Variants in CNTN5 observed in about 807,000 individuals in gnomAD.
CNTN5 encodes the protein contactin 5, also known as contactin-5.
CNTN5 carries 77 observed loss-of-function variants against 129.1 expected under a neutral mutation model. The observed-to-expected ratio is 0.60, with a 90% CI of 0.50 to 0.72. The LOEUF is 0.72. Ranked by LOEUF, CNTN5 falls within the 30% of genes least tolerant of loss-of-function variation. The pLI, the probability that CNTN5 is intolerant of heterozygous loss-of-function variation, is 0.00. For missense variants in CNTN5, 1,478 were observed against 1,328.8 expected (o/e 1.11, Z -1.75); for synonymous variants, 509 against 465.6 (o/e 1.09, Z -1.20).
intron 6 of CNTN5, among the ~76,000 whole-genome samples, chr11:99,886,450 A>G (rs1380575142): frequency 6.6e-6 from 1 of 152,174 alleles, no homozygotes; most frequent in Non-Finnish European, 1.5e-5. Flanking sequence ...AACCTAATAA[A>G]TAGAAAGATT....
intron 1 of CNTN5, among the ~76,000 whole-genome samples, chr11:99,299,509 CA>C (rs1864531044): frequency 6.6e-6 from 1 of 151,836 alleles, no homozygotes; most frequent in Non-Finnish European, 1.5e-5. Flanking sequence ...GTCTAAGAAA[CA>C]AACCAAAAAA....
At chr11:99,766,267 G>A (rs946870346) in intron 3 of CNTN5, among the ~76,000 whole-genome samples, 1 of 151,926 alleles carries the variant, frequency 6.6e-6, no homozygotes, top group Admixed American at 6.6e-5. Flanking sequence ...AATAAAACAG[G>A]CCTTCACTGT....
chr11:99,870,627 T>C (rs980343366), intron 6 of CNTN5, among the ~76,000 whole-genome samples: 2 of 152,132 alleles, frequency 1.3e-5, no homozygotes, highest in African/African-American at 4.8e-5. Flanking sequence ...GACATAGACC[T>C]CTGGGTCAGA....
At chr11:100,156,178 C>CAATGCCTAGTTTATTTAGAGTTTT (rs1178395628) in intron 13 of CNTN5, among the ~76,000 whole-genome samples, 6 of 152,170 alleles carry the variant, frequency 3.9e-5, no homozygotes, top group Non-Finnish European at 7.4e-5. Context: ...TATGTTCCAT[C>CAATGCCTAGTTTATTTAGAGTTTT]AATGCCTAGT....
intron 3 of CNTN5, among the ~76,000 whole-genome samples, chr11:99,599,623 C>A (rs935405069): frequency 1.3e-5 from 2 of 152,070 alleles, no homozygotes; most frequent in East Asian, 3.9e-4. Context: ...ACATATTAAT[C>A]TCCCTTCCTC....
chr11:99,736,180 C>T (rs1432159275), intron 3 of CNTN5, among the ~76,000 whole-genome samples: 3 of 152,222 alleles, frequency 2.0e-5, no homozygotes, highest in Non-Finnish European at 4.4e-5. Flanking sequence ...CTATTACTTG[C>T]AGCTTTCAAC....
At chr11:100,215,447 C>T (rs1368647693) in intron 15 of CNTN5, among the ~76,000 whole-genome samples, 2 of 152,118 alleles carry the variant, frequency 1.3e-5, no homozygotes, top group African/African-American at 4.8e-5. Flanking sequence ...CTAGGCCGAA[C>T]AGATTCTTTG....
chr11:99,434,051 G>A (rs1321001880), intron 2 of CNTN5, among the ~76,000 whole-genome samples: 3 of 152,046 alleles, frequency 2.0e-5, no homozygotes, highest in Non-Finnish European at 4.4e-5. Context: ...TGTGCTCAGT[G>A]CCATACCTAC....
chr11:99,435,750 T>A (rs1318093454), intron 2 of CNTN5, among the ~76,000 whole-genome samples: 1 of 152,222 alleles, frequency 6.6e-6, no homozygotes, highest in Non-Finnish European at 1.5e-5. Flanking sequence ...CACTATTTCT[T>A]GCATAGTGAC....
At chr11:99,654,211 A>G (rs1952263984) in intron 3 of CNTN5, among the ~76,000 whole-genome samples, 1 of 152,046 alleles carries the variant, frequency 6.6e-6, no homozygotes, top group South Asian at 2.1e-4. Context: ...TCAAATTAAA[A>G]TAGCAGATGT....
At chr11:99,402,683 A>G (rs1189832560) in intron 2 of CNTN5, among the ~76,000 whole-genome samples, 1 of 152,170 alleles carries the variant, frequency 6.6e-6, no homozygotes, top group African/African-American at 2.4e-5. Flanking sequence ...AGAATTCAGC[A>G]GTGAAGCCAC....
chr11:100,187,370 A>ACAAT (rs1289486070), intron 13 of CNTN5, among the ~76,000 whole-genome samples: 2 of 151,588 alleles, frequency 1.3e-5, no homozygotes, highest in Non-Finnish European at 2.9e-5. Flanking sequence ...ACTTCCCAAA[A>ACAAT]CAATCTACAA....
chr11:99,349,228 AG>A (rs1938117902), intron 2 of CNTN5, among the ~76,000 whole-genome samples: 1 of 152,216 alleles, frequency 6.6e-6, no homozygotes, highest in Non-Finnish European at 1.5e-5. Context: ...AAGCTGAACA[AG>A]GGGAAGCTTT....
At chr11:99,064,893 G>T (rs917481509) in intron 1 of CNTN5, among the ~76,000 whole-genome samples, 1 of 151,678 alleles carries the variant, frequency 6.6e-6, no homozygotes, top group Non-Finnish European at 1.5e-5. Context: ...TATTTCTAAA[G>T]TTTTATTCAA....
chr11:99,635,544 G>A (rs1951519735), intron 3 of CNTN5, among the ~76,000 whole-genome samples: 1 of 151,952 alleles, frequency 6.6e-6, no homozygotes, highest in African/African-American at 2.4e-5. Flanking sequence ...CTTTCTGCTT[G>A]CCAATTCCTG....
intron 2 of CNTN5, among the ~76,000 whole-genome samples, chr11:99,331,845 A>G (rs1341756616): frequency 6.6e-6 from 1 of 152,140 alleles, no homozygotes; most frequent in Non-Finnish European, 1.5e-5. Flanking sequence ...TGAATTAACA[A>G]AAGGAATAGT....
chr11:99,589,549 G>T (rs1447550185), intron 3 of CNTN5, among the ~76,000 whole-genome samples: 1 of 152,096 alleles, frequency 6.6e-6, no homozygotes, highest in Non-Finnish European at 1.5e-5. Flanking sequence ...GTGATCTTGG[G>T]AATATGTTTT....
At chr11:99,075,852 T>C (rs2135264552) in intron 1 of CNTN5, among the ~76,000 whole-genome samples, 1 of 152,318 alleles carries the variant, frequency 6.6e-6, no homozygotes, top group South Asian at 2.1e-4. Flanking sequence ...AAGATATTTT[T>C]ATATTTCCAA....
At chr11:99,925,588 A>T (rs995056258) in intron 7 of CNTN5, among the ~76,000 whole-genome samples, 14 of 151,850 alleles carry the variant, frequency 9.2e-5, no homozygotes, top group African/African-American at 2.4e-4. Context: ...TGGCCTTGAG[A>T]CTCCTTGGAA....
Sources: gnomAD v4.1 joint callset for allele counts (sites outside exome capture counted in the v4.1 genomes callset) on GRCh38, gnomAD v4.1.1 for gene constraint, MANE v1.5 for transcripts, NCBI Gene and HGNC (gene_info 2026-07-23, HGNC 2026-07-21) for gene names.